SHROOM3: variants seen among roughly 807,000 people sequenced by gnomAD.
SHROOM3 encodes the protein protein Shroom3.
SHROOM3 carries 47 observed loss-of-function variants against 138.6 expected under a neutral mutation model. That is an observed-to-expected ratio of 0.34 (90% CI 0.27 to 0.43). SHROOM3 has a LOEUF of 0.43. SHROOM3 is among the 20% of genes least tolerant of loss of function. The pLI, the probability that SHROOM3 is intolerant of heterozygous loss-of-function variation, is 1.00. For missense variants in SHROOM3, 2,491 were observed against 2,596.5 expected (o/e 0.96, Z 0.88); for synonymous variants, 1,062 against 1,063.3 (o/e 1.00, Z 0.02).
At chr4:76,559,690 G>A (rs1323833847) in intron 2 of SHROOM3, 1 of 152,166 alleles carries the variant, frequency 6.6e-6, no homozygotes, top group African/African-American at 2.4e-5. Flanking sequence ...AGAACACAGA[G>A]CAGGGTAATA....
At chr4:76,774,708 G>GT (rs1158392432) in intron 10 of SHROOM3, among the ~76,000 whole-genome samples, 5,811 of 132,286 alleles carry the variant, frequency 0.044, 132 homozygotes, top group Non-Finnish European at 0.059. Context: ...GGTTTTTTGG[G>GT]GTTTTTTTTT....
intron 2 of SHROOM3, among the ~76,000 whole-genome samples, chr4:76,611,867 C>G (rs1734769842): frequency 6.6e-6 from 1 of 152,232 alleles, no homozygotes; most frequent in Non-Finnish European, 1.5e-5. Context: ...GGATTATCAT[C>G]TTCACCCAGT....
intron 2 of SHROOM3, among the ~76,000 whole-genome samples, chr4:76,702,901 C>A (rs1486564884): frequency 6.6e-6 from 1 of 152,124 alleles, no homozygotes; most frequent in Non-Finnish European, 1.5e-5. Context: ...TCCTATCCAC[C>A]CTTTCCTCAT....
chr4:76,735,855 AAAAAAAAAAAAAAATATAT>A lies in SHROOM3; in HGVS notation c.588-2904_588-2886del, dbSNP rs1410894994. Among the ~76,000 whole-genome samples the A allele has an allele frequency of 5.6e-3, 267 of 47,822 alleles. 4 individuals are homozygous for A. Among genetic ancestry groups the A allele is most frequent in the African/African-American group, 0.016 (222 of 13,628 alleles). The allele number at this position is 47,822 out of a possible 152,430, so 31.4% of individuals were successfully genotyped here. A position where few individuals can be genotyped will look rare whatever the true frequency, so the allele number is the denominator to read the frequency against. ...ACTCTATCTTAAAAAAAAAAAAAAA[AAAAAAAAAAAAAAATATAT>A]ATATATATATATATATATATATATA... On this transcript the variant is annotated intron_variant, in intron 4 of 10. Transcript: ENST00000296043.
At chr4:76,645,233 A>T (rs1456514420) in intron 2 of SHROOM3, 1 of 152,260 alleles carries the variant, frequency 6.6e-6, no homozygotes, top group Non-Finnish European at 1.5e-5. Flanking sequence ...TCTGTGGCTC[A>T]ACTAGCAGCA....
intron 1 of SHROOM3, among the ~76,000 whole-genome samples, chr4:76,437,910 C>A (rs903929874): frequency 6.6e-6 from 1 of 152,180 alleles, no homozygotes; most frequent in Non-Finnish European, 1.5e-5. Context: ...TGACAGTTTG[C>A]TGACAGAAAG....
chr4:76,710,024 T>G (rs1720183308), intron 2 of SHROOM3, 132 bp from the exon 3 acceptor site: 1 of 1,174,332 alleles, frequency 8.5e-7, no homozygotes, highest in Admixed American at 1.7e-5. Context: ...CTTAGAACCC[T>G]GCACTTAGCT....
chr4:76,641,596 C>T (rs746189168), intron 2 of SHROOM3, among the ~76,000 whole-genome samples: 42 of 152,208 alleles, frequency 2.8e-4, no homozygotes, highest in Admixed American at 6.5e-4. Flanking sequence ...CACACAGGTG[C>T]GTAATCTCTG....
intron 1 of SHROOM3, among the ~76,000 whole-genome samples, chr4:76,503,129 G>A (rs1297807074): frequency 6.8e-6 from 1 of 147,994 alleles, no homozygotes; most frequent in African/African-American, 2.5e-5. Flanking sequence ...TTGGTCCTTT[G>A]CATTTTCATA....
chr4:76,510,648 C>T lies in SHROOM3; in HGVS notation c.169-44961C>T, dbSNP rs146756213. Among the ~76,000 whole-genome samples, 683 of 152,270 alleles carry T rather than the reference C, an allele frequency of 4.5e-3. 7 individuals are homozygous for T. Among genetic ancestry groups the T allele is most frequent in the African/African-American group, 0.016 (648 of 41,548 alleles). On this transcript the variant is annotated intron_variant, in intron 1 of 10. Transcript: ENST00000296043. ...ACTGCACAATCCCCTGGAAATGTTT[C>T]CACTGAATGAGACACCTATGGATTT...
At position 76,741,693 on chromosome 4, in the gene SHROOM3, T is replaced by A. The variant is rs1376160571; in HGVS notation, c.3520T>A (p.Phe1174Ile). ...GGCTCCCCGAGATCGCAGCAGCTCC[T>A]TCGCCGGTGGCCGCCGCCTCGGGGA... ...QQAPRDRSSS[F>I]AGGRRLGERR... Residue 1174 changes from phenylalanine to isoleucine, a missense_variant, in exon 5 of 11, where the codon TTC becomes ATC. Physicochemically the swap from Phe to Ile is conservative, Grantham distance 21 (BLOSUM62 0). This residue lies in a region of SHROOM3 where 1,733 missense variants were observed against 1,661.6 expected (regional missense o/e 1.04). Transcript: ENST00000296043. The surrounding 1 kb of genome is among the most constrained non-coding windows in gnomAD (Gnocchi z 6.2). 1 of 1,552,438 alleles carries A rather than the reference T, an allele frequency of 6.4e-7. No individual in the cohort carries two copies. The highest frequency in any genetic ancestry group is 8.7e-7 in the Non-Finnish European group (1 of 1,150,204).
At chr4:76,542,389 C>T (rs943747061) in intron 1 of SHROOM3, among the ~76,000 whole-genome samples, 2 of 152,174 alleles carry the variant, frequency 1.3e-5, no homozygotes, top group Non-Finnish European at 2.9e-5. Context: ...TGTTGTGTTA[C>T]GTGCCATGGG....
chr4:76,534,225 A>G (rs1231461949), intron 1 of SHROOM3, among the ~76,000 whole-genome samples: 3 of 152,142 alleles, frequency 2.0e-5, no homozygotes, highest in Non-Finnish European at 4.4e-5. Context: ...TTGTCTTTGT[A>G]TGTTTCCATT....
At position 76,767,405 on chromosome 4, in the gene SHROOM3, G is replaced by A. The variant is rs114140706; in HGVS notation, c.5350-3221G>A. On this transcript the variant is annotated intron_variant, in intron 9 of 10. Transcript: ENST00000296043. ...TTAAAATACCAGCCTCTGGCTGGGCGCGGTGGCTCACACCTGTAATCCCAG... is the reference window on the plus strand; with the variant it reads ...TTAAAATACCAGCCTCTGGCTGGGCACGGTGGCTCACACCTGTAATCCCAG... Among the ~76,000 whole-genome samples the A allele has an allele frequency of 6.4e-3, 976 of 152,310 alleles. 3 individuals are homozygous for A. The highest frequency in any genetic ancestry group is 0.017 in the Middle Eastern group (5 of 294).
chr4:76,580,733 G>A (rs543750415), intron 2 of SHROOM3, among the ~76,000 whole-genome samples: 1 of 152,210 alleles, frequency 6.6e-6, no homozygotes, highest in African/African-American at 2.4e-5. Flanking sequence ...GCCAACTTTG[G>A]GCAAGTTTTT....
intron 2 of SHROOM3, among the ~76,000 whole-genome samples, chr4:76,574,759 G>A (rs149763339): frequency 6.6e-6 from 1 of 152,238 alleles, no homozygotes; most frequent in East Asian, 1.9e-4. Flanking sequence ...ACTTGTATAA[G>A]GTACCCAGGG....
chr4:76,480,250 G>T (rs1012944578), intron 1 of SHROOM3, among the ~76,000 whole-genome samples: 1 of 152,164 alleles, frequency 6.6e-6, no homozygotes, highest in Admixed American at 6.5e-5. Context: ...CCCATCTCAT[G>T]TGCAAAGACA....
At chr4:76,596,005 A>C (rs1262091945) in intron 2 of SHROOM3, among the ~76,000 whole-genome samples, 1 of 152,168 alleles carries the variant, frequency 6.6e-6, no homozygotes, top group African/African-American at 2.4e-5. Context: ...TTACCCCTGC[A>C]TGCACACACA....
At chr4:76,631,151 G>A (rs1234289118) in intron 2 of SHROOM3, among the ~76,000 whole-genome samples, 1 of 148,270 alleles carries the variant, frequency 6.7e-6, no homozygotes, top group Non-Finnish European at 1.5e-5. Flanking sequence ...GAGAGATTGA[G>A]TGAGGTGCTT....
Sources: allele counts gnomAD v4.1 joint callset (sites outside exome capture counted in the v4.1 genomes callset), GRCh38; gene constraint gnomAD v4.1.1; regional missense constraint gnomAD v4.1.1; non-coding constraint Gnocchi (gnomAD v3.1); transcripts MANE v1.5; gene names NCBI Gene and HGNC (gene_info 2026-07-23, HGNC 2026-07-21).